The following PLVAP variants were observed in gnomAD, a reference collection of about 807,000 sequenced individuals.
The protein encoded by PLVAP is plasmalemma vesicle-associated protein.
In PLVAP, 34 loss-of-function variants were observed where a neutral mutation model predicts 43.1. The observed-to-expected ratio is 0.79, with a 90% CI of 0.60 to 1.05. The LOEUF is 1.05. PLVAP is among the 50% of genes least tolerant of loss of function. The pLI, the probability that PLVAP is intolerant of heterozygous loss-of-function variation, is 0.00. For missense variants in PLVAP, 574 were observed against 593.4 expected, an observed-to-expected ratio of 0.97 and a Z score of 0.34; for synonymous variants, 241 against 237.3, an observed-to-expected ratio of 1.02 and a Z score of -0.14.
chr19:17,377,335 C>A lies in PLVAP; in HGVS notation c.-47G>T. 1 of 1,438,280 alleles carries A rather than the reference C, an allele frequency of 7.0e-7. No homozygotes were observed. The allele number at this position is 1,438,280 out of a possible 1,614,324, so 89.1% of individuals were successfully genotyped here. ...TGCACCGTCCCTGCTCACCACCAGG[C>A]CTGCTCTGGCCCCCGCCTCGCAGGG... is the stretch of plus-strand genomic sequence containing the variant. On this transcript the variant is annotated 5_prime_UTR_variant, in exon 1 of 6. Coordinates refer to ENST00000252590, the MANE Select transcript of PLVAP (RefSeq NM_031310.3).
At chr19:17,375,880 C>A (rs1355985310) in intron 1 of PLVAP, among the ~76,000 whole-genome samples, 59 of 132,804 alleles carry the variant, frequency 4.4e-4, no homozygotes, top group East Asian at 1.2e-3. Context: ...GACTCCGTCT[C>A]AAAAAAAAAA....
At chr19:17,372,930 T>C (rs2074579143) in intron 1 of PLVAP, among the ~76,000 whole-genome samples, 1 of 149,520 alleles carries the variant, frequency 6.7e-6, no homozygotes, top group South Asian at 2.1e-4. Flanking sequence ...GCAGGGCATG[T>C]TGGCGGGCAC....
rs975599173 is a variant in PLVAP, at chr19:17,352,063, A to G, written c.*299T>C. ...GCTGCATCTGCACGACGCCATCGCT[A>G]TATCTCTTCGTGACGTCTACATGGC... is the stretch of plus-strand genomic sequence containing the variant. On this transcript the variant is annotated 3_prime_UTR_variant, in exon 6 of 6. Transcript: ENST00000252590. 1.9e-5 allele frequency: 9 copies of G among 466,698 alleles called. No individual in the cohort carries two copies. The highest frequency in any genetic ancestry group is 3.3e-5 in the East Asian group (1 of 30,002). 28.9% of individuals were successfully genotyped at this position (466,698 alleles called of 1,614,324 possible).
Position 17,361,045 on chromosome 19 carries a change from G to GC in PLVAP, c.1180-214dup. Reference sequence around the variant, plus strand: ...TTCTCCTGCCTAAGCCTCCTGGGTAGCTGGGACTACAGTCACACACCACCA... The same window carrying GC: ...TTCTCCTGCCTAAGCCTCCTGGGTAGCCTGGGACTACAGTCACACACCACCA... On this transcript the variant is annotated intron_variant, in intron 3 of 5. Coordinates refer to ENST00000252590, the MANE Select transcript of PLVAP (RefSeq NM_031310.3). 4 of 526,712 alleles carry GC rather than the reference G, an allele frequency of 7.6e-6. No homozygotes were observed. In the East Asian group the frequency reaches 1.3e-4, roughly 17 times the overall value. 32.6% of individuals were successfully genotyped at this position (526,712 alleles called of 1,614,324 possible).
rs772223219 is a variant in PLVAP, at chr19:17,352,330, G to A, written c.*32C>T. On this transcript the variant is annotated 3_prime_UTR_variant, in exon 6 of 6. Transcript: ENST00000252590. ...CATCCTCCGCAAACCGCCGAGTCGGGCCATCCCTTGGTCCTCAGGCCTGGA... is the reference window on the plus strand; with the variant it reads ...CATCCTCCGCAAACCGCCGAGTCGGACCATCCCTTGGTCCTCAGGCCTGGA... 6 of 1,612,976 alleles carry A rather than the reference G, an allele frequency of 3.7e-6. No homozygotes were observed. The African/African-American group carries it at 4.0e-5, about 11-fold the overall frequency.
Position 17,360,726 on chromosome 19 carries a change from TG to T in PLVAP, c.1240+45del, listed in dbSNP as rs1414799182. ...AGTGGGGCTGGGGTGGGGTTCGAGG[TG>T]GAAAGGGGCCCCTCCCCTACTTGGC... is the stretch of plus-strand genomic sequence containing the variant. On this transcript the variant is annotated intron_variant, in intron 4 of 5. Transcript: ENST00000252590. The T allele has an allele frequency of 1.9e-6, 3 of 1,593,922 alleles. No homozygotes were observed. In the South Asian group the frequency reaches 3.3e-5, roughly 18 times the overall value.
rs568245772 is a variant in PLVAP, at chr19:17,377,064, T to C, written c.225A>G (p.Leu75=). The C allele has an allele frequency of 4.0e-4, 648 of 1,614,050 alleles. 5 individuals carry two copies. In the South Asian group the frequency reaches 6.7e-3, roughly 17 times the overall value. Residue 75 remains leucine (L), a synonymous_variant, in exon 1 of 6, where the codon CTA becomes CTG. Transcript: ENST00000252590. ...AGTTGGACTGGGAGGCCGTGAGCCC[T>C]AGGAGCTGACTGTATAGGCCCTCGG... ...RRAEGLYSQL[L]GLTASQSNLT...
chr19:17,359,958 C>T (rs1568373737), intron 5 of PLVAP, among the ~76,000 whole-genome samples: 1 of 152,184 alleles, frequency 6.6e-6, no homozygotes. Flanking sequence ...CGTCCAGCCT[C>T]CAGGCCTTTG....
At chr19:17,360,950 T>C (rs535593604) in intron 3 of PLVAP, 118 bp from the exon 4 acceptor site, 36 of 957,014 alleles carry the variant, frequency 3.8e-5, no homozygotes, top group Admixed American at 8.3e-5. Context: ...GTTTCGCTCT[T>C]GTTGCCCAGG....
At position 17,365,553 on chromosome 19, in the gene PLVAP, G is replaced by A. The variant is rs149357796; in HGVS notation, c.912C>T (p.Leu304=). The A allele has an allele frequency of 9.3e-6, 15 of 1,611,862 alleles. No individual in the cohort carries two copies. The highest frequency in any genetic ancestry group is 1.3e-5 in the Non-Finnish European group (15 of 1,180,038). Residue 304 remains leucine, a synonymous_variant, in exon 3 of 6, where the codon CTC becomes CTT. Coordinates refer to ENST00000252590, the MANE Select transcript of PLVAP (RefSeq NM_031310.3). ...IERVARENSD[L]QRQKLEAQQG... ...GCTGGGCTTCCAGCTTCTGGCGTTG[G>A]AGGTCTGAGTTCTCGCGGGCCACGC... is the stretch of plus-strand genomic sequence containing the variant.
chr19:17,355,629 G>A (rs940801373), intron 5 of PLVAP, among the ~76,000 whole-genome samples: 1 of 151,550 alleles, frequency 6.6e-6, no homozygotes, highest in African/African-American at 2.4e-5. Context: ...CCCAGGTCCT[G>A]GTTCAAGCAA....
In PLVAP at chr19:17,365,933, T is replaced by C. The variant is rs757303200; in HGVS notation, c.532A>G (p.Ile178Val). Residue 178 changes from isoleucine (I) to valine (V), a missense_variant, in exon 3 of 6, where the codon ATT (isoleucine) becomes GTT (valine). Transcript: ENST00000252590. ...LEVEIAKEKT[I>V]CTKDKESVLL... ...ACGCTTTCCTTATCCTTAGTGCAAA[T>C]GGTCTTCTCCTTGGCTATCTCCACC... 7.4e-6 allele frequency: 12 copies of C among 1,613,956 alleles called. No individual in the cohort carries two copies. The highest frequency in any genetic ancestry group is 3.3e-5 in the Admixed American group (2 of 59,978).
At position 17,377,097 on chromosome 19, in the gene PLVAP, C is replaced by T. The variant is rs764717160; in HGVS notation, c.192G>A (p.Glu64=). ...VSTESNLQAT[E]RRAEGLYSQL... is the part of the protein sequence containing the mutation. ...GACTGTATAGGCCCTCGGCTCGGCG[C>T]TCGGTGGCCTGCAGGTTGGACTCTG... is the stretch of plus-strand genomic sequence containing the variant. Residue 64 remains glutamate (E), a synonymous_variant, in exon 1 of 6, where the codon GAG becomes GAA. Transcript: ENST00000252590. The T allele has an allele frequency of 1.2e-6, 2 of 1,614,148 alleles. No individual in the cohort carries two copies. Among genetic ancestry groups the T allele is most frequent in the South Asian group, 1.1e-5 (1 of 91,084 alleles).
chr19:17,360,291 G>T (rs1872692390), intron 5 of PLVAP, among the ~76,000 whole-genome samples: 1 of 152,160 alleles, frequency 6.6e-6, no homozygotes. Flanking sequence ...AGGCTCTTTG[G>T]TAGTCCCATC....
At position 17,373,836 on chromosome 19, in the gene PLVAP, C is replaced by T. The variant is rs547099377; in HGVS notation, c.369+3084G>A. 7.2e-5 allele frequency among the ~76,000 whole-genome samples: 11 copies of T among 152,268 alleles called. No individual in the cohort carries two copies. In the South Asian group the frequency reaches 2.1e-3, roughly 29 times the overall value. On this transcript the variant is annotated intron_variant, in intron 1 of 5. Coordinates refer to ENST00000252590, the MANE Select transcript of PLVAP (RefSeq NM_031310.3). Reference sequence around the variant, plus strand: ...ACCTCAAGAAAGTCACCTCCCCTCTCATGCCTTCACTTTCCTGCCTGCAAA... The same window carrying T: ...ACCTCAAGAAAGTCACCTCCCCTCTTATGCCTTCACTTTCCTGCCTGCAAA...
At chr19:17,358,333 G>A (rs997039060) in intron 5 of PLVAP, among the ~76,000 whole-genome samples, 6 of 151,926 alleles carry the variant, frequency 3.9e-5, no homozygotes, top group South Asian at 4.2e-4. Flanking sequence ...GGAGTTGGCG[G>A]CAAAGCTTTC....
At chr19:17,356,488 A>G (rs2074507262) in intron 5 of PLVAP, among the ~76,000 whole-genome samples, 3 of 152,078 alleles carry the variant, frequency 2.0e-5, no homozygotes, top group Admixed American at 2.0e-4. Flanking sequence ...TAAACTAAAC[A>G]CTATATTAAT....
At chr19:17,358,725 A>C (rs916870039) in intron 5 of PLVAP, among the ~76,000 whole-genome samples, 3 of 152,100 alleles carry the variant, frequency 2.0e-5, no homozygotes, top group African/African-American at 7.2e-5. Flanking sequence ...AGAGGCCCCT[A>C]GTCCCTTGCT....
chr19:17,372,684 C>G (rs965994592), intron 1 of PLVAP, among the ~76,000 whole-genome samples: 1 of 150,840 alleles, frequency 6.6e-6, no homozygotes. Flanking sequence ...TCTCGATCTC[C>G]TGACCTAGTG....
Sources: allele counts gnomAD v4.1 joint callset (sites outside exome capture counted in the v4.1 genomes callset), GRCh38; gene constraint gnomAD v4.1.1; transcripts MANE v1.5; gene names NCBI Gene and HGNC (gene_info 2026-07-23, HGNC 2026-07-21).